Variants in POC1A observed in about 807,000 individuals in gnomAD.
POC1A encodes POC1 centriolar protein homolog A.
A neutral mutation model predicts 47.8 loss-of-function variants in POC1A; 34 were observed. The observed-to-expected ratio is 0.71, with a 90% CI of 0.54 to 0.95. The LOEUF is 0.95. Among genes scored for constraint, POC1A ranks in the 40% least tolerant of loss-of-function variants. The probability of loss-of-function intolerance (pLI) is 0.00; values close to 1 mark genes in which losing one functional copy is unlikely to be tolerated. For missense variants in POC1A, 466 were observed against 528.3 expected (o/e 0.88, Z 1.16); for synonymous variants, 177 against 207.6 (o/e 0.85, Z 1.27).
intron 9 of POC1A, among the ~76,000 whole-genome samples, chr3:52,103,690 C>A (rs994550270): frequency 1.3e-5 from 2 of 152,024 alleles, no homozygotes; most frequent in Admixed American, 6.6e-5. Context: ...AAATGAACTT[C>A]AAAATCCAAA....
intron 1 of POC1A, chr3:52,151,303 T>C: frequency 1.7e-6 from 1 of 593,270 alleles, no homozygotes; most frequent in South Asian, 3.0e-5. Context: ...ACATCAACTG[T>C]GGAAATGCTT....
intron 6 of POC1A, among the ~76,000 whole-genome samples, chr3:52,140,705 C>A (rs1305178804): frequency 6.6e-6 from 1 of 152,214 alleles, no homozygotes; most frequent in Non-Finnish European, 1.5e-5. Flanking sequence ...TTGGGGGATA[C>A]CCCAGACACC....
rs369308203 is a variant in POC1A at position 52,135,813 on chromosome 3, C to A, written c.813+2356G>T. Among the ~76,000 whole-genome samples the A allele has an allele frequency of 1.8e-4, 27 of 152,294 alleles. 1 individual carries two copies. The South Asian group carries it at 5.2e-3, about 29-fold the overall frequency. On this transcript the variant is annotated intron_variant, in intron 7 of 10. Coordinates refer to ENST00000296484, the MANE Select transcript of POC1A (RefSeq NM_015426.5). ...CATTAGTAAGGACCCCAAAAGAAAGCCCTCTCAAGGCAGCAACCCCACAGT... is the reference window on the plus strand; with the variant it reads ...CATTAGTAAGGACCCCAAAAGAAAGACCTCTCAAGGCAGCAACCCCACAGT...
At chr3:52,078,503 CTTTTTTTT>C (rs531817608) in intron 10 of POC1A, among the ~76,000 whole-genome samples, 12,358 of 113,516 alleles carry the variant, frequency 0.11, 1,189 homozygotes, top group East Asian at 0.38. Context: ...ATGGAAATCT[CTTTTTTTT>C]TTTTTTTTTT....
chr3:52,082,003 G>T (rs977532589), intron 10 of POC1A, among the ~76,000 whole-genome samples: 4 of 152,152 alleles, frequency 2.6e-5, no homozygotes, highest in Admixed American at 2.6e-4. Flanking sequence ...CTGCAGGAGA[G>T]GCAGAAGACG....
At chr3:52,119,147 T>C (rs867945183) in intron 9 of POC1A, among the ~76,000 whole-genome samples, 4 of 151,994 alleles carry the variant, frequency 2.6e-5, no homozygotes, top group African/African-American at 7.3e-5. Context: ...TCTGGCCCAG[T>C]TGAACAGAGT....
In POC1A at chr3:52,150,996, G is replaced by A; in HGVS notation, c.103+20C>T. 6.2e-7 allele frequency: 1 copy of A among 1,612,672 alleles called. No individual in the cohort carries two copies. The highest frequency in any genetic ancestry group is 8.5e-7 in the Non-Finnish European group (1 of 1,178,998). ...TGTTCAGCTCATAACCTAGCACCTAGACAGGGTGCCTCTTCTTACCCAGCT... is the reference window on the plus strand; with the variant it reads ...TGTTCAGCTCATAACCTAGCACCTAAACAGGGTGCCTCTTCTTACCCAGCT... On this transcript the variant is annotated intron_variant, in intron 2 of 10. Coordinates refer to ENST00000296484, the MANE Select transcript of POC1A (RefSeq NM_015426.5).
intron 8 of POC1A, 79 bp downstream of exon 8, chr3:52,125,034 C>T (rs1703942601): frequency 1.7e-6 from 2 of 1,168,412 alleles, no homozygotes; most frequent in Admixed American, 4.0e-5. Flanking sequence ...GCCCATCCCC[C>T]AAACACCCTG....
chr3:52,103,081 AG>A (rs1183376672), intron 9 of POC1A, among the ~76,000 whole-genome samples: 1 of 152,260 alleles, frequency 6.6e-6, no homozygotes, highest in Non-Finnish European at 1.5e-5. Flanking sequence ...TTTTTAATAA[AG>A]GTGCACAAAC....
intron 9 of POC1A, among the ~76,000 whole-genome samples, chr3:52,122,015 C>A (rs1303142788): frequency 6.6e-6 from 1 of 152,150 alleles, no homozygotes; most frequent in Non-Finnish European, 1.5e-5. Flanking sequence ...GGCCCTGAAC[C>A]CTCTAGGAGC....
chr3:52,115,985 G>C (rs1448282456), intron 9 of POC1A, among the ~76,000 whole-genome samples: 1 of 152,104 alleles, frequency 6.6e-6, no homozygotes, highest in African/African-American at 2.4e-5. Context: ...AATATACCAG[G>C]TAACAAAACT....
chr3:52,149,868 G>A lies in POC1A; in HGVS notation c.223C>T (p.Leu75=), dbSNP rs1476568624. The A allele has an allele frequency of 6.2e-7, 1 of 1,614,002 alleles. No homozygotes were observed. The part of the protein sequence containing the change: ...TCVNFSPSGH[L]LASGSRDKTV... The stretch of plus-strand genomic sequence containing the variant: ...TTGTCTCGGGAGCCGGAAGCAAGCA[G>A]GTGTCCCGAAGGAGAGAAGTTCACA... Residue 75 remains leucine (L), a synonymous_variant, in exon 3 of 11, where the codon CTG becomes TTG. Coordinates refer to ENST00000296484, the MANE Select transcript of POC1A (RefSeq NM_015426.5).
intron 10 of POC1A, among the ~76,000 whole-genome samples, chr3:52,082,573 CA>C (rs1702336110): frequency 6.6e-6 from 1 of 152,104 alleles, no homozygotes; most frequent in Non-Finnish European, 1.5e-5. Context: ...TTTTTCTGCT[CA>C]GGGGAGACAC....
rs1251241744 is a variant in POC1A at position 52,075,437 on chromosome 3, T to C, written c.*450A>G. ...GGCCCACTTTGGGCCTTTAGTCAGA[T>C]TTAGAGAAAACCCCCGGCTCATCCA... On this transcript the variant is annotated 3_prime_UTR_variant, in exon 11 of 11. Coordinates refer to ENST00000296484, the MANE Select transcript of POC1A (RefSeq NM_015426.5). 1 of 162,412 alleles carries C rather than the reference T, an allele frequency of 6.2e-6. No homozygotes were observed. Among genetic ancestry groups the C allele is most frequent in the Non-Finnish European group, 1.4e-5 (1 of 73,128 alleles). 10.1% of individuals were successfully genotyped at this position (162,412 alleles called of 1,614,324 possible). A position where few individuals can be genotyped will look rare whatever the true frequency, so the allele number is the denominator to read the frequency against.
At chr3:52,152,339 G>C (rs981280090) in intron 1 of POC1A, among the ~76,000 whole-genome samples, 1 of 152,142 alleles carries the variant, frequency 6.6e-6, no homozygotes, top group Non-Finnish European at 1.5e-5. Flanking sequence ...GGAGGCCAAG[G>C]CGGGCAGATT....
intron 7 of POC1A, among the ~76,000 whole-genome samples, chr3:52,129,729 G>C (rs1559839514): frequency 6.6e-6 from 1 of 152,182 alleles, no homozygotes; most frequent in Non-Finnish European, 1.5e-5. Context: ...AGATGGTCCT[G>C]CTTAACCAGT....
At chr3:52,096,280 AGT>A (rs1702809879) in intron 10 of POC1A, among the ~76,000 whole-genome samples, 1 of 152,182 alleles carries the variant, frequency 6.6e-6, no homozygotes, top group Admixed American at 6.5e-5. Context: ...AAACAAACAC[AGT>A]GTTTCTTTCA....
intron 9 of POC1A, among the ~76,000 whole-genome samples, chr3:52,106,036 T>C (rs993357091): frequency 1.3e-5 from 2 of 151,424 alleles, no homozygotes; most frequent in African/African-American, 4.9e-5. Context: ...CTACTAAAAA[T>C]ACAAAAAAAT....
At chr3:52,146,639 T>G (rs1698374619) in intron 5 of POC1A, among the ~76,000 whole-genome samples, 1 of 152,232 alleles carries the variant, frequency 6.6e-6, no homozygotes. Context: ...AAAATGTAGT[T>G]TGGGCGACTG....
Sources: allele counts gnomAD v4.1 joint callset (sites outside exome capture counted in the v4.1 genomes callset), GRCh38; gene constraint gnomAD v4.1.1; transcripts MANE v1.5; gene names NCBI Gene and HGNC (gene_info 2026-07-23, HGNC 2026-07-21).